ZNF491: variants seen among roughly 807,000 people sequenced by gnomAD.
ZNF491 encodes the protein zinc finger protein 491.
In ZNF491, 22 loss-of-function variants were observed where a neutral mutation model predicts 34.7. That is an observed-to-expected ratio of 0.63 (90% confidence interval 0.45 to 0.90). ZNF491 has a LOEUF of 0.90. Ranked by LOEUF, ZNF491 falls within the 40% of genes least tolerant of loss-of-function variation. The pLI is 0.00. For missense variants in ZNF491, 559 were observed against 531.7 expected, an observed-to-expected ratio of 1.05 and a Z score of -0.51; for synonymous variants, 148 against 174.3, an observed-to-expected ratio of 0.85 and a Z score of 1.19.
intron 1 of ZNF491, among the ~76,000 whole-genome samples, chr19:11,802,987 T>G (rs931360693): frequency 6.7e-6 from 1 of 149,302 alleles, no homozygotes; most frequent in African/African-American, 2.6e-5. Flanking sequence ...ATTCTTTTTT[T>G]TTTTTTTTTT....
chr19:11,806,398 C>G lies in ZNF491; in HGVS notation c.445C>G (p.His149Asp). The change falls in exon 3 of 3, where the codon CAT (histidine) becomes GAT (aspartate). Residue 149 changes from histidine (H) to aspartate (D), a missense_variant. His to Asp is a moderately conservative substitution (Grantham distance 81). Transcript: ENST00000323169. ...GGATTGTCTCAGTTTATACCTTACC[C>G]ATGAACGAACTCACACTGGAGAGAA... ...ALDCLSLYLT[H>D]ERTHTGEKRY... 6.2e-7 allele frequency: 1 copy of G among 1,613,476 alleles called. No homozygotes were observed. Among genetic ancestry groups the G allele is most frequent in the Non-Finnish European group, 8.5e-7 (1 of 1,179,780 alleles).
chr19:11,800,275 A>G (rs1442408173), intron 1 of ZNF491, among the ~76,000 whole-genome samples: 2 of 152,122 alleles, frequency 1.3e-5, no homozygotes, highest in Admixed American at 6.6e-5. Flanking sequence ...TTGATCAAAG[A>G]GGGAGTTTTT....
chr19:11,802,369 A>G (rs998759055), intron 1 of ZNF491, among the ~76,000 whole-genome samples: 22 of 152,182 alleles, frequency 1.4e-4, no homozygotes, highest in African/African-American at 4.6e-4. Flanking sequence ...TAGTTGAATT[A>G]TGGAAATTCT....
At position 11,807,324 on chromosome 19, in the gene ZNF491, C is replaced by T; in HGVS notation, c.*57C>T. On this transcript the variant is annotated 3_prime_UTR_variant, in exon 3 of 3. Transcript: ENST00000323169. ...TAGAGACAGGGTCTCACTATCTTGT[C>T]CAGGTTGGTCTTGAACTCCTGGCCT... 2 of 1,359,342 alleles carry T rather than the reference C, an allele frequency of 1.5e-6. No homozygotes were observed. Among genetic ancestry groups the T allele is most frequent in the South Asian group, 3.4e-5 (2 of 59,098 alleles). 84.2% of individuals were successfully genotyped at this position (1,359,342 alleles called of 1,614,324 possible).
intron 1 of ZNF491, among the ~76,000 whole-genome samples, chr19:11,800,603 C>T (rs572862463): frequency 7.4e-4 from 112 of 151,390 alleles, no homozygotes; most frequent in African/African-American, 2.6e-3. Flanking sequence ...TCACTGCAAC[C>T]TCGGCCTCCT....
At position 11,807,778 on chromosome 19, in the gene ZNF491, G is replaced by C. The variant is rs1271682781; in HGVS notation, c.*511G>C. ...CTCCCCTAGTCTGCAGATTGAGTTG[G>C]TAGGAGGTGTGATTTGTTTACATGC... is the stretch of plus-strand genomic sequence containing the variant. On this transcript the variant is annotated 3_prime_UTR_variant, in exon 3 of 3. Transcript: ENST00000323169. 6.0e-6 allele frequency: 1 copy of C among 167,724 alleles called. No individual in the cohort carries two copies. The highest frequency in any genetic ancestry group is 1.5e-5 in the Non-Finnish European group (1 of 68,640). The allele number at this position is 167,724 out of a possible 1,614,324, so 10.4% of individuals were successfully genotyped here.
Position 11,807,002 on chromosome 19 carries a change from C to T in ZNF491, c.1049C>T (p.Thr350Ile). The T allele has an allele frequency of 2.5e-6, 4 of 1,612,400 alleles. No individual in the cohort carries two copies. Among genetic ancestry groups the T allele is most frequent in the South Asian group, 2.2e-5 (2 of 90,846 alleles). The change falls in exon 3 of 3, where the codon ACT becomes ATT. Residue 350 changes from threonine (T) to isoleucine (I), a missense_variant. Physicochemically the swap from Thr to Ile is moderately conservative, Grantham distance 89. Transcript: ENST00000323169. ...ATTCGAATACATGGAAGGACTCACACTGGTGAGAAACCCTATGAATGTAAG... is the reference window on the plus strand; with the variant it reads ...ATTCGAATACATGGAAGGACTCACATTGGTGAGAAACCCTATGAATGTAAG... ...KYIRIHGRTH[T>I]GEKPYECKQC...
rs286234 is a variant in ZNF491, at chr19:11,798,757, G to A, written c.-134+30G>A. On this transcript the variant is annotated intron_variant, in intron 1 of 2. Coordinates refer to ENST00000323169, the MANE Select transcript of ZNF491 (RefSeq NM_152356.4). This position sits in a 1 kb window ranked among gnomAD's most constrained non-coding sequence, Gnocchi z 4.0. ...AGTGCCCGGCCTAGCGTCCAGATAC[G>A]TGGAAGAGGGGCTGGGTGGAACCAA... The A allele has an allele frequency of 0.29, 44,512 of 152,338 alleles. 9,503 individuals are homozygous for A. The highest frequency in any genetic ancestry group is 0.6 in the African/African-American group (25,021 of 41,532). The allele number at this position is 152,338 out of a possible 1,614,324, so 9.4% of individuals were successfully genotyped here. A position where few individuals can be genotyped will look rare whatever the true frequency, so the allele number is the denominator to read the frequency against.
intron 1 of ZNF491, among the ~76,000 whole-genome samples, chr19:11,804,288 T>C (rs1048963952): frequency 2.0e-5 from 3 of 149,272 alleles, no homozygotes; most frequent in Admixed American, 6.7e-5. Context: ...AACTCCATCC[T>C]CTTGCTGTGT....
At chr19:11,800,630 C>T (rs1975548771) in intron 1 of ZNF491, among the ~76,000 whole-genome samples, 1 of 151,896 alleles carries the variant, frequency 6.6e-6, no homozygotes, top group Admixed American at 6.6e-5. Flanking sequence ...AAGCGATTCC[C>T]CTGCCTCAGC....
intron 1 of ZNF491, among the ~76,000 whole-genome samples, chr19:11,803,802 T>A (rs182745519): frequency 2.0e-5 from 3 of 152,292 alleles, no homozygotes; most frequent in African/African-American, 7.2e-5. Flanking sequence ...AAAGTTACTA[T>A]TTTTACCCCT....
At position 11,804,559 on chromosome 19, in the gene ZNF491, G is replaced by T; in HGVS notation, c.-116G>T. ...TGTTTCAGGACCCAGTGGCCTTTGAGGATGTGGCTGTGAACTTCACCCAGG... is the reference window on the plus strand; with the variant it reads ...TGTTTCAGGACCCAGTGGCCTTTGATGATGTGGCTGTGAACTTCACCCAGG... On this transcript the variant is annotated 5_prime_UTR_variant, in exon 2 of 3. It adds an upstream start codon to the 5' untranslated region. Transcript: ENST00000323169. 2 of 1,558,304 alleles carry T rather than the reference G, an allele frequency of 1.3e-6. No individual in the cohort carries two copies. The highest frequency in any genetic ancestry group is 2.5e-5 in the East Asian group (1 of 40,736).
chr19:11,799,693 T>C (rs984085853), intron 1 of ZNF491, among the ~76,000 whole-genome samples: 1 of 152,058 alleles, frequency 6.6e-6, no homozygotes, highest in Admixed American at 6.6e-5. Flanking sequence ...CCCAGCACTT[T>C]GGGAGGCCGA....
chr19:11,801,353 A>T (rs1366936217), intron 1 of ZNF491, among the ~76,000 whole-genome samples: 2 of 152,076 alleles, frequency 1.3e-5, no homozygotes, highest in African/African-American at 4.8e-5. Context: ...TCTGGGAGAA[A>T]TGTCATTAAA....
intron 1 of ZNF491, among the ~76,000 whole-genome samples, chr19:11,800,712 G>A (rs990262126): frequency 1.3e-5 from 2 of 151,896 alleles, no homozygotes; most frequent in East Asian, 1.9e-4. Flanking sequence ...GTAGAGACAC[G>A]GGAAAGAAAA....
In ZNF491 at chr19:11,806,713, C is replaced by T. The variant is rs767801517; in HGVS notation, c.760C>T (p.Arg254Cys). 2.5e-5 allele frequency: 40 copies of T among 1,613,220 alleles called. No homozygotes were observed. The highest frequency in any genetic ancestry group is 3.3e-5 in the South Asian group (3 of 91,010). ...TAAACTATATGGGAAAGCATTATCT[C>T]GCCTTATAAGCTTTCGAAGACACAT... ...ECKLYGKALSRLISFRRHMRM... is the reference protein window; with the variant it reads ...ECKLYGKALSCLISFRRHMRM... The change falls in exon 3 of 3, where the codon CGC (arginine) becomes TGC (cysteine). Residue 254 changes from arginine to cysteine, a missense_variant. Transcript: ENST00000323169.
rs188690620 is a variant in ZNF491, at chr19:11,807,328, G to T, written c.*61G>T. 5,135 of 1,346,488 alleles carry T rather than the reference G, an allele frequency of 3.8e-3. 14 individuals carry two copies. The highest frequency in any genetic ancestry group is 3.9e-3 in the Non-Finnish European group (4,002 of 1,013,402). 83.4% of individuals were successfully genotyped at this position (1,346,488 alleles called of 1,614,324 possible). ...GACAGGGTCTCACTATCTTGTCCAG[G>T]TTGGTCTTGAACTCCTGGCCTCAAG... On this transcript the variant is annotated 3_prime_UTR_variant, in exon 3 of 3. Transcript: ENST00000323169.
chr19:11,806,652 T>C lies in ZNF491; in HGVS notation c.699T>C (p.His233=), dbSNP rs1568234124. ...AFNCPSSFHR[H]ERTHTGEKPY... is the part of the protein sequence containing the mutation. ...ATTGTCCCAGTTCTTTTCACAGGCA[T>C]GAAAGGACTCACACAGGAGAAAAAC... Residue 233 remains histidine, a synonymous_variant, in exon 3 of 3, where the codon CAT becomes CAC. Coordinates refer to ENST00000323169, the MANE Select transcript of ZNF491 (RefSeq NM_152356.4). 6.2e-7 allele frequency: 1 copy of C among 1,613,580 alleles called. No homozygotes were observed. The highest frequency in any genetic ancestry group is 8.5e-7 in the Non-Finnish European group (1 of 1,179,868).
chr19:11,806,391 C>A lies in ZNF491; in HGVS notation c.438C>A (p.Tyr146Ter), dbSNP rs1275670580. 6.2e-7 allele frequency: 1 copy of A among 1,613,402 alleles called. No individual in the cohort carries two copies. The highest frequency in any genetic ancestry group is 1.3e-5 in the African/African-American group (1 of 74,854). The change falls in exon 3 of 3, where the codon TAC becomes TAA. Residue 146 changes from tyrosine (Y) to a stop codon, truncating the protein, a stop_gained. Coordinates refer to ENST00000323169, the MANE Select transcript of ZNF491 (RefSeq NM_152356.4). LOFTEE classifies it high-confidence loss of function. ...AAGCCTTGGATTGTCTCAGTTTATACCTTACCCATGAACGAACTCACACTG... is the reference window on the plus strand; with the variant it reads ...AAGCCTTGGATTGTCTCAGTTTATAACTTACCCATGAACGAACTCACACTG... The part of the protein sequence containing the change: ...CGKALDCLSL[Y>*]LTHERTHTGE...
Sources: gnomAD v4.1 joint callset for allele counts (sites outside exome capture counted in the v4.1 genomes callset) on GRCh38, gnomAD v4.1.1 for gene constraint, Gnocchi (gnomAD v3.1) non-coding constraint, MANE v1.5 for transcripts, NCBI Gene and HGNC (gene_info 2026-07-23, HGNC 2026-07-21) for gene names.